The following PCDHA5 variants were observed in gnomAD, a reference collection of about 807,000 sequenced individuals.
The protein encoded by PCDHA5 is protocadherin alpha-5.
PCDHA5 carries 43 observed loss-of-function variants against 61.6 expected under a neutral mutation model. The observed-to-expected ratio is 0.70, with a 90% CI of 0.55 to 0.90. The LOEUF (loss-of-function observed/expected upper bound fraction) is 0.90. Ranked by LOEUF, PCDHA5 falls within the 40% of genes least tolerant of loss-of-function variation. PCDHA5 has a pLI of 0.00. For missense variants in PCDHA5, 1,298 were observed against 1,222.7 expected (o/e 1.06, Z -0.92); for synonymous variants, 627 against 543.9 (o/e 1.15, Z -2.13).
Position 140,823,667 on chromosome 5 carries a change from G to A in PCDHA5, c.1892G>A (p.Ser631Asn), listed in dbSNP as rs1767828403. ...GTGGGGCTGTACACAGGCGAGATCA[G>A]CACAACACGCTCTCTGGATGAGACC... The part of the protein sequence containing the change: ...FRVGLYTGEI[S>N]TTRSLDETEA... The change falls in exon 1 of 4, where the codon AGC becomes AAC. Residue 631 changes from serine to asparagine, a missense_variant. Transcript: ENST00000529859. 6.2e-7 allele frequency: 1 copy of A among 1,614,024 alleles called. No homozygotes were observed.
intron 1 of PCDHA5, among the ~76,000 whole-genome samples, chr5:140,964,622 T>A (rs1435749865): frequency 6.6e-6 from 1 of 152,048 alleles, no homozygotes; most frequent in African/African-American, 2.4e-5. Flanking sequence ...ATTCCACTTA[T>A]AAGCCATTTA....
Position 140,822,323 on chromosome 5 carries a change from C to T in PCDHA5, c.548C>T (p.Thr183Ile), listed in dbSNP as rs2150115506. The change falls in exon 1 of 4, where the codon ACA (threonine) becomes ATA (isoleucine). Residue 183 changes from threonine to isoleucine, a missense_variant. Transcript: ENST00000529859. Reference protein sequence around the residue: ...PNEYFDLDVKTNEEETNFLEL... With the variant: ...PNEYFDLDVKINEEETNFLEL... ...GAATATTTTGACTTAGATGTTAAAACAAATGAAGAAGAAACGAACTTTTTA... is the reference window on the plus strand; with the variant it reads ...GAATATTTTGACTTAGATGTTAAAATAAATGAAGAAGAAACGAACTTTTTA... 2.5e-6 allele frequency: 4 copies of T among 1,613,964 alleles called. No individual in the cohort carries two copies. The African/African-American group carries it at 5.3e-5, about 22-fold the overall frequency.
At chr5:140,842,090 A>G in intron 1 of PCDHA5, 1 of 1,613,904 alleles carries the variant, frequency 6.2e-7, no homozygotes, top group Non-Finnish European at 8.5e-7. Flanking sequence ...AAACGCAGAC[A>G]ACGGAACAAC....
In PCDHA5 at chr5:140,927,608, G is replaced by A. The variant is rs151084513; in HGVS notation, c.2353-51341G>A. ...CCTGTATTTGAGCGCTCCGTATACC[G>A]CACCAAGGTTCCAGAGACTGCACCC... On this transcript the variant is annotated intron_variant, in intron 1 of 3. Coordinates refer to ENST00000529859, the MANE Select transcript of PCDHA5 (RefSeq NM_018908.3). The A allele has an allele frequency of 2.2e-5, 35 of 1,614,050 alleles. No homozygotes were observed. In the African/African-American group the frequency reaches 4.4e-4, roughly 20 times the overall value.
rs782182425 is a variant in PCDHA5 at position 140,876,300 on chromosome 5, A to C, written c.2352+52173A>C. On this transcript the variant is annotated intron_variant, in intron 1 of 3. Coordinates refer to ENST00000529859, the MANE Select transcript of PCDHA5 (RefSeq NM_018908.3). ...ATCCAGACGAAGGACTTAATGGAGA[A>C]ATTTCCTATGGGATCAAAATGATTT... 2.1e-5 allele frequency: 34 copies of C among 1,613,966 alleles called. No individual in the cohort carries two copies. Among genetic ancestry groups the C allele is most frequent in the Non-Finnish European group, 2.9e-5 (34 of 1,179,910 alleles).
intron 1 of PCDHA5, chr5:140,968,997 G>A (rs1459602291): frequency 6.2e-7 from 1 of 1,614,092 alleles, no homozygotes; most frequent in African/African-American, 1.3e-5. Flanking sequence ...TGCTGTGGAG[G>A]CTTCTGTGGA....
At chr5:140,926,986 C>T (rs782199565) in intron 1 of PCDHA5, 1 of 1,610,712 alleles carries the variant, frequency 6.2e-7, no homozygotes, top group Non-Finnish European at 8.5e-7. Flanking sequence ...GGAGACGGAG[C>T]GGGGCGTAGC....
At chr5:140,910,690 G>T (rs2153515620) in intron 1 of PCDHA5, among the ~76,000 whole-genome samples, 1 of 152,224 alleles carries the variant, frequency 6.6e-6, no homozygotes, top group African/African-American at 2.4e-5. Context: ...GGCATTTCCA[G>T]CTTGCTCACA....
At chr5:140,905,092 CAGTCATGAA>C (rs1554191919) in intron 1 of PCDHA5, among the ~76,000 whole-genome samples, 5 of 152,092 alleles carry the variant, frequency 3.3e-5, no homozygotes, top group African/African-American at 1.2e-4. Flanking sequence ...TTTGGGTTCT[CAGTCATGAA>C]TTGTTTGCCT....
chr5:140,836,893 G>A (rs992802936), intron 1 of PCDHA5: 5 of 624,992 alleles, frequency 8.0e-6, no homozygotes, highest in Admixed American at 3.5e-5. Flanking sequence ...TTATTTGGAA[G>A]TACGTTTAAT....
Position 140,946,375 on chromosome 5 carries a change from G to A in PCDHA5, c.2353-32574G>A, listed in dbSNP as rs531638250. Among the ~76,000 whole-genome samples, 14 of 151,710 alleles carry A rather than the reference G, an allele frequency of 9.2e-5. No homozygotes were observed. In the South Asian group the frequency reaches 2.9e-3, roughly 32 times the overall value. On this transcript the variant is annotated intron_variant, in intron 1 of 3. Transcript: ENST00000529859. ...TGGAGAAAAGGGAACTCTTGCACACGGTTGGTAGGAATGTAAATTAGTACA... is the reference window on the plus strand; with the variant it reads ...TGGAGAAAAGGGAACTCTTGCACACAGTTGGTAGGAATGTAAATTAGTACA...
intron 1 of PCDHA5, chr5:140,854,514 T>G (rs1216926538): frequency 1.3e-5 from 2 of 149,996 alleles, no homozygotes; most frequent in Non-Finnish European, 3.0e-5. Flanking sequence ...AACTGATGGA[T>G]TAAGTGACAC....
chr5:140,870,252 G>C lies in PCDHA5; in HGVS notation c.2352+46125G>C, dbSNP rs782545691. On this transcript the variant is annotated intron_variant, in intron 1 of 3. Coordinates refer to ENST00000529859, the MANE Select transcript of PCDHA5 (RefSeq NM_018908.3). ...ACCGTGACTCAGGTGTCAACGGACA[G>C]GTGACCTGCTCGCTGACGCCCCACG... The C allele has an allele frequency of 4.3e-6, 7 of 1,614,080 alleles. No homozygotes were observed. The South Asian group carries it at 7.7e-5, about 18-fold the overall frequency.
At chr5:140,877,540 G>A (rs1044322759) in intron 1 of PCDHA5, 2 of 1,613,770 alleles carry the variant, frequency 1.2e-6, no homozygotes, top group East Asian at 2.2e-5. Flanking sequence ...TGTGGATCCC[G>A]AAGCGGCTCT....
Position 140,848,772 on chromosome 5 carries a change from G to C in PCDHA5, c.2352+24645G>C, listed in dbSNP as rs2150420106. 4 of 1,593,480 alleles carry C rather than the reference G, an allele frequency of 2.5e-6. No individual in the cohort carries two copies. In the African/African-American group the frequency reaches 5.4e-5, roughly 21 times the overall value. ...GTTTGTGAATTCTCGGATCGACCGC[G>C]AGGAGCTGTGCGGGCGGAGCGCGGA... On this transcript the variant is annotated intron_variant, in intron 1 of 3. Coordinates refer to ENST00000529859, the MANE Select transcript of PCDHA5 (RefSeq NM_018908.3).
intron 1 of PCDHA5, chr5:140,860,808 G>GCTCA (rs2153220670): frequency 6.6e-6 from 1 of 152,328 alleles, no homozygotes. Context: ...CACGATCTCG[G>GCTCA]CTCACTGCAA....
chr5:140,824,579 G>T, intron 1 of PCDHA5: 1 of 152,702 alleles, frequency 6.5e-6, no homozygotes. Flanking sequence ...AGCCGCCCAA[G>T]TAGCTGGACT....
rs139113749 is a variant in PCDHA5, at chr5:140,843,258, G to C, written c.2352+19131G>C. On this transcript the variant is annotated intron_variant, in intron 1 of 3. Transcript: ENST00000529859. ...GACGAAGCGGACTCTCCGCGCCACC[G>C]TCTGCTGGTCCTGGTGAAGGATCAT... 5 of 1,595,952 alleles carry C rather than the reference G, an allele frequency of 3.1e-6. 1 individual carries two copies. The African/African-American group carries it at 5.4e-5, about 17-fold the overall frequency.
intron 3 of PCDHA5, among the ~76,000 whole-genome samples, chr5:141,002,517 G>A (rs770473989): frequency 5.3e-5 from 8 of 152,208 alleles, no homozygotes; most frequent in Non-Finnish European, 8.8e-5. Flanking sequence ...GAGTCTCCTA[G>A]CTGGAGTCAG....
Sources: allele counts gnomAD v4.1 joint callset (sites outside exome capture counted in the v4.1 genomes callset), GRCh38; gene constraint gnomAD v4.1.1; transcripts MANE v1.5; gene names NCBI Gene and HGNC (gene_info 2026-07-23, HGNC 2026-07-21).